ATXN7: variants seen among roughly 807,000 people sequenced by gnomAD.
ATXN7 encodes the protein ataxin 7, also known as ataxin-7.
In ATXN7, 12 loss-of-function variants were observed where a neutral mutation model predicts 70.5. The observed-to-expected ratio is 0.17, with a 90% CI of 0.11 to 0.28. ATXN7 has a LOEUF of 0.28. Ranked by LOEUF, ATXN7 falls within the 10% of genes least tolerant of loss-of-function variation. The probability of loss-of-function intolerance (pLI) is 1.00; values close to 1 mark genes in which losing one functional copy is unlikely to be tolerated. For missense variants in ATXN7, 1,256 were observed against 1,131.7 expected (o/e 1.11, Z -1.58); for synonymous variants, 498 against 448.7 (o/e 1.11, Z -1.39).
At position 63,961,470 on chromosome 3, in the gene ATXN7, G is replaced by C. The variant is rs563131698; in HGVS notation, c.499+8987G>C. 2.3e-4 allele frequency among the ~76,000 whole-genome samples: 35 copies of C among 152,282 alleles called. No homozygotes were observed. The South Asian group carries it at 3.7e-3, about 16-fold the overall frequency. On this transcript the variant is annotated intron_variant, in intron 5 of 12. Transcript: ENST00000674280. ...ATTCTCCGCATGGAACCTGGTCACA[G>C]TGCCCTCCAGGTTTGTACTACTGTG...
chr3:63,995,715 T>C lies in ATXN7; in HGVS notation c.1893T>C (p.Ala631=). 1 of 1,614,234 alleles carries C rather than the reference T, an allele frequency of 6.2e-7. No individual in the cohort carries two copies. Among genetic ancestry groups the C allele is most frequent in the Non-Finnish European group, 8.5e-7 (1 of 1,180,030 alleles). ...CCACACTAAATGCACAGCCTGCTGC[T>C]TCAGGGGCGATGGATCCTGTGTGCA... The part of the protein sequence containing the change: ...HGTTLNAQPA[A]SGAMDPVCSM... Residue 631 remains alanine, a synonymous_variant, in exon 12 of 13, where the codon GCT becomes GCC. Transcript: ENST00000674280.
intron 4 of ATXN7, among the ~76,000 whole-genome samples, chr3:63,918,759 A>G (rs549690194): frequency 6.6e-6 from 1 of 152,300 alleles, no homozygotes; most frequent in East Asian, 1.9e-4. Context: ...CAGTCTGCTT[A>G]TATCTTATGT....
intron 4 of ATXN7, among the ~76,000 whole-genome samples, chr3:63,934,001 A>G (rs181879022): frequency 6.6e-6 from 1 of 151,798 alleles, no homozygotes; most frequent in Admixed American, 6.6e-5. Context: ...GTGATTGGAA[A>G]TTGCGTAGTT....
rs1242131938 is a variant in ATXN7 at position 63,913,121 on chromosome 3, G to C, written c.326-36G>C. 88 of 1,602,692 alleles carry C rather than the reference G, an allele frequency of 5.5e-5. 2 individuals carry two copies. The Admixed American group carries it at 1.5e-3, about 27-fold the overall frequency. ...GCGTCACACTCCTGGCCACTGACCT[G>C]CCTCTCCCCTCCTCCTGTGTGTGTA... On this transcript the variant is annotated intron_variant, in intron 3 of 12. Transcript: ENST00000674280.
intron 5 of ATXN7, among the ~76,000 whole-genome samples, chr3:63,962,884 A>G (rs528704705): frequency 1.4e-4 from 21 of 149,706 alleles, no homozygotes; most frequent in African/African-American, 5.1e-4. Flanking sequence ...CACTTGTTTG[A>G]TGTAATACCA....
intron 9 of ATXN7, among the ~76,000 whole-genome samples, chr3:63,989,967 C>G (rs923005902): frequency 6.6e-6 from 1 of 152,146 alleles, no homozygotes; most frequent in Non-Finnish European, 1.5e-5. Flanking sequence ...TTGATTGTAT[C>G]TGGCAAACAG....
At chr3:63,967,234 T>C (rs1011689914) in intron 5 of ATXN7, among the ~76,000 whole-genome samples, 5 of 152,174 alleles carry the variant, frequency 3.3e-5, no homozygotes, top group Admixed American at 6.5e-5. Context: ...GATTTAAAAG[T>C]ATGAAAGCTT....
chr3:63,985,858 A>C (rs1184628906), intron 8 of ATXN7, among the ~76,000 whole-genome samples: 1 of 152,216 alleles, frequency 6.6e-6, no homozygotes, highest in Admixed American at 6.5e-5. Context: ...GTCGCAGGGA[A>C]TAAAGGGTTT....
At chr3:63,876,604 A>G (rs759072626) in intron 1 of ATXN7, among the ~76,000 whole-genome samples, 7 of 152,180 alleles carry the variant, frequency 4.6e-5, no homozygotes, top group Non-Finnish European at 8.8e-5. Context: ...GCTCCTAGAA[A>G]AGATTTTTCA....
intron 2 of ATXN7, chr3:63,905,967 G>A (rs1260016382): frequency 6.6e-6 from 1 of 152,184 alleles, no homozygotes; most frequent in African/African-American, 2.4e-5. Context: ...TAGGAAGAAA[G>A]GTTTATGAAC....
intron 5 of ATXN7, among the ~76,000 whole-genome samples, chr3:63,962,186 T>G (rs116233882): frequency 6.6e-6 from 1 of 152,144 alleles, no homozygotes; most frequent in African/African-American, 2.4e-5. Context: ...CTCTTGAGGT[T>G]TACTTCAAAG....
intron 4 of ATXN7, among the ~76,000 whole-genome samples, chr3:63,918,962 T>C (rs757678584): frequency 6.6e-6 from 1 of 152,142 alleles, no homozygotes; most frequent in Non-Finnish European, 1.5e-5. Context: ...TTGTCCTTGC[T>C]GACAGCTCCT....
At chr3:63,998,311 C>T in intron 12 of ATXN7, 3 of 985,206 alleles carry the variant, frequency 3.0e-6, no homozygotes, top group Non-Finnish European at 2.4e-6. Context: ...AGAGAGGCTG[C>T]AGATCTGGAC....
At chr3:63,886,506 C>T (rs1357421123) in intron 1 of ATXN7, among the ~76,000 whole-genome samples, 5 of 152,164 alleles carry the variant, frequency 3.3e-5, no homozygotes, top group Non-Finnish European at 1.5e-5. Context: ...AATTTTGTCA[C>T]TCATGCCTTA....
intron 11 of ATXN7, among the ~76,000 whole-genome samples, chr3:63,994,995 T>C (rs1179091927): frequency 6.6e-6 from 1 of 152,214 alleles, no homozygotes; most frequent in African/African-American, 2.4e-5. Context: ...CAGTTGCTGT[T>C]AATTAGCTGC....
At chr3:63,991,658 A>G (rs1369852137) in intron 11 of ATXN7, among the ~76,000 whole-genome samples, 1 of 152,144 alleles carries the variant, frequency 6.6e-6, no homozygotes, top group Non-Finnish European at 1.5e-5. Context: ...GCCAGGTGAC[A>G]CTGAAATTGT....
chr3:63,997,644 A>C, intron 12 of ATXN7: 1 of 1,552,216 alleles, frequency 6.4e-7, no homozygotes, highest in East Asian at 2.4e-5. Context: ...CTTGCTTACG[A>C]ACAGGAATTT....
chr3:63,886,067 T>A (rs554656903), intron 1 of ATXN7, among the ~76,000 whole-genome samples: 1 of 152,276 alleles, frequency 6.6e-6, no homozygotes, highest in African/African-American at 2.4e-5. Flanking sequence ...GTAAGACTGT[T>A]CAGCTTTAAA....
rs758713692 is a variant in ATXN7 at position 63,979,915 on chromosome 3, A to T, written c.500A>T (p.Glu167Val). The T allele has an allele frequency of 6.2e-7, 1 of 1,612,912 alleles. No homozygotes were observed. Among genetic ancestry groups the T allele is most frequent in the Non-Finnish European group, 8.5e-7 (1 of 1,179,204 alleles). The change falls in exon 6 of 13, where the codon GAA becomes GTA. Residue 167 changes from glutamate (E) to valine (V), a missense_variant and splice_region_variant. Transcript: ENST00000674280. ...TTTTTTTCTTTGCTTTCGTTTTCAG[A>T]AAGAAGACATAGCTCATCCAGCAAG... Reference protein sequence around the residue: ...VKPQAFQSHYERRHSSSSKPP... With the variant: ...VKPQAFQSHYVRRHSSSSKPP...
Sources: allele counts gnomAD v4.1 joint callset (sites outside exome capture counted in the v4.1 genomes callset), GRCh38; gene constraint gnomAD v4.1.1; transcripts MANE v1.5; gene names NCBI Gene and HGNC (gene_info 2026-07-23, HGNC 2026-07-21).